Variants in CAST observed in about 807,000 individuals in gnomAD.
CAST encodes calpastatin.
CAST carries 76 observed loss-of-function variants against 119.6 expected under a neutral mutation model. The observed-to-expected ratio is 0.64, with a 90% CI of 0.53 to 0.77. The LOEUF (loss-of-function observed/expected upper bound fraction) is 0.77. Ranked by LOEUF, CAST falls within the 30% of genes least tolerant of loss-of-function variation. CAST has a pLI of 0.00. For synonymous variants in CAST, 319 were observed against 331.6 expected (o/e 0.96, Z 0.41); for missense variants, 953 against 946.5 (o/e 1.01, Z -0.09).
At chr5:96,685,638 CAAAACAAATTT>C (rs1751993215) in intron 2 of CAST, among the ~76,000 whole-genome samples, 1 of 151,900 alleles carries the variant, frequency 6.6e-6, no homozygotes, top group Admixed American at 6.5e-5. Context: ...GTATTAGTAC[CAAAACAAATTT>C]AAAACTCTCT....
chr5:96,511,973 A>C, the CAST span, among the ~76,000 whole-genome samples: 1 of 152,156 alleles, frequency 6.6e-6, no homozygotes, highest in Non-Finnish European at 1.5e-5. Flanking sequence ...GGCATTGAAA[A>C]CCATATGAGA....
At chr5:96,124,604 C>T in the CAST span, among the ~76,000 whole-genome samples, 2 of 152,038 alleles carry the variant, frequency 1.3e-5, no homozygotes, top group African/African-American at 4.8e-5. Flanking sequence ...AGGGACCTTA[C>T]TTTGTTCCAT....
At chr5:96,282,322 T>TTC in the CAST span, among the ~76,000 whole-genome samples, 1 of 152,214 alleles carries the variant, frequency 6.6e-6, no homozygotes, top group African/African-American at 2.4e-5. Flanking sequence ...CAAAATTCAG[T>TTC]TCCTTCGCTG....
At chr5:96,058,924 TC>T in the CAST span, among the ~76,000 whole-genome samples, 1 of 152,084 alleles carries the variant, frequency 6.6e-6, no homozygotes, top group African/African-American at 2.4e-5. Context: ...GAGTAGCATA[TC>T]CCCAGAAAAG....
chr5:96,441,229 G>A, the CAST span, among the ~76,000 whole-genome samples: 9 of 152,112 alleles, frequency 5.9e-5, no homozygotes, highest in African/African-American at 2.2e-4. Flanking sequence ...CTTGGACAGA[G>A]AGATGATTTC....
chr5:96,256,072 A>C, the CAST span, among the ~76,000 whole-genome samples: 15 of 151,958 alleles, frequency 9.9e-5, no homozygotes, highest in Admixed American at 7.9e-4. Context: ...AGCAGTATCT[A>C]TTCTCATCTC....
intron 1 of CAST, among the ~76,000 whole-genome samples, chr5:96,550,107 G>C (rs1260432396): frequency 2.0e-5 from 3 of 152,242 alleles, no homozygotes; most frequent in Non-Finnish European, 4.4e-5. Context: ...GCCTCCTCAA[G>C]TGGGTCCCTG....
chr5:96,499,755 C>T, the CAST span, among the ~76,000 whole-genome samples: 10 of 152,308 alleles, frequency 6.6e-5, no homozygotes, highest in South Asian at 2.1e-3. Context: ...AACTACATTT[C>T]TGTAACCTTC....
intron 1 of CAST, among the ~76,000 whole-genome samples, chr5:96,632,025 AATT>A (rs3064173): frequency 2.0e-5 from 3 of 149,730 alleles, no homozygotes; most frequent in Admixed American, 1.3e-4. Context: ...TCCTTTTAAA[AATT>A]ATTATTATTA....
intron 1 of CAST, among the ~76,000 whole-genome samples, chr5:96,598,122 G>T (rs910707897): frequency 6.6e-6 from 1 of 152,068 alleles, no homozygotes; most frequent in Non-Finnish European, 1.5e-5. Flanking sequence ...ATGAGAATTC[G>T]CTGGACTTGC....
chr5:96,048,297 G>A, the CAST span, among the ~76,000 whole-genome samples: 1 of 152,164 alleles, frequency 6.6e-6, no homozygotes, highest in Non-Finnish European at 1.5e-5. Flanking sequence ...TTCTCTGGAT[G>A]AGTTAGAGGC....
chr5:96,261,662 C>T, the CAST span, among the ~76,000 whole-genome samples: 2 of 152,196 alleles, frequency 1.3e-5, no homozygotes, highest in South Asian at 4.1e-4. Flanking sequence ...TTGGCCTCCA[C>T]ATCTGTGCTG....
At chr5:96,222,052 C>T in the CAST span, among the ~76,000 whole-genome samples, 143 of 152,150 alleles carry the variant, frequency 9.4e-4, no homozygotes, top group Non-Finnish European at 1.4e-3. Context: ...AATTAGATAT[C>T]CATATGCAGA....
chr5:96,479,468 T>TTTG, the CAST span, among the ~76,000 whole-genome samples: 2 of 144,536 alleles, frequency 1.4e-5, no homozygotes, highest in Non-Finnish European at 3.0e-5. Flanking sequence ...TTTTTTTTTT[T>TTTG]GAGATGGAGT....
chr5:96,232,661 G>C, the CAST span, among the ~76,000 whole-genome samples: 1 of 151,998 alleles, frequency 6.6e-6, no homozygotes, highest in Admixed American at 6.6e-5. Context: ...AAATTGAGGG[G>C]GATAGTTGGG....
At chr5:96,642,441 G>A (rs1580856261) in intron 1 of CAST, among the ~76,000 whole-genome samples, 1 of 152,156 alleles carries the variant, frequency 6.6e-6, no homozygotes, top group African/African-American at 2.4e-5. Flanking sequence ...ACTGAACAGG[G>A]CCAGGAGGTC....
At chr5:96,662,580 G>T in intron 1 of CAST, 83 bp downstream of exon 1, 2 of 1,300,184 alleles carry the variant, frequency 1.5e-6, no homozygotes, top group Non-Finnish European at 9.7e-7. Context: ...CCTGGGCGTT[G>T]CCAGGCTGGC....
chr5:96,106,852 G>T, the CAST span, among the ~76,000 whole-genome samples: 1 of 137,466 alleles, frequency 7.3e-6, no homozygotes, highest in African/African-American at 2.8e-5. Context: ...TAATGTGTGG[G>T]AGTCTAAGTC....
At chr5:96,715,568 C>T (rs1757048277) in intron 3 of CAST, among the ~76,000 whole-genome samples, 1 of 152,108 alleles carries the variant, frequency 6.6e-6, no homozygotes, top group African/African-American at 2.4e-5. Context: ...TAATGTTTAC[C>T]TATCAAGATT....
Sources: allele counts gnomAD v4.1 joint callset (sites outside exome capture counted in the v4.1 genomes callset), GRCh38; gene constraint gnomAD v4.1.1; transcripts MANE v1.5; gene names NCBI Gene and HGNC (gene_info 2026-07-23, HGNC 2026-07-21).